Variants in ADAP1 observed in about 807,000 individuals in gnomAD.
The protein encoded by ADAP1 is arf-GAP with dual PH domain-containing protein 1.
Under a neutral mutation model 54.9 loss-of-function variants are expected in ADAP1, and 31 were observed. The ratio of observed to expected loss-of-function variants is 0.56; its 90% CI spans 0.42 to 0.76. ADAP1 has a LOEUF of 0.76. ADAP1 is among the 30% of genes least tolerant of loss of function. ADAP1 has a pLI of 0.00. For missense variants in ADAP1, 535 were observed against 512.4 expected, an observed-to-expected ratio of 1.04 and a Z score of -0.42; for synonymous variants, 313 against 202.6, an observed-to-expected ratio of 1.55 and a Z score of -4.63.
chr7:899,390 C>T (rs1562904491), intron 9 of ADAP1, 29 bp downstream of exon 9: 2 of 1,611,760 alleles, frequency 1.2e-6, no homozygotes, highest in Non-Finnish European at 8.5e-7. Context: ...GAGCTGCCCT[C>T]CCGTGCTGGG....
intron 6 of ADAP1, 38 bp downstream of exon 6, chr7:904,088 C>CCT: frequency 1.2e-6 from 2 of 1,607,446 alleles, no homozygotes; most frequent in Non-Finnish European, 8.5e-7. Flanking sequence ...GGCCCACCCT[C>CCT]CTGTGCCACC....
intron 4 of ADAP1, among the ~76,000 whole-genome samples, chr7:911,667 CCCACGGAGGGCCA>C (rs1845729378): frequency 2.9e-3 from 1 of 350 alleles, no homozygotes; most frequent in Admixed American, 8.2e-3. Context: ...GGGCGGGGGT[CCCACGGAGGGCCA>C]GGAAGGGGGC....
At chr7:937,110 G>A (rs1331425947) in intron 1 of ADAP1, among the ~76,000 whole-genome samples, 1 of 107,988 alleles carries the variant, frequency 9.3e-6, no homozygotes, top group Non-Finnish European at 2.0e-5. Context: ...CCTCGGATTT[G>A]GGGGTCACGC....
At chr7:924,628 C>T (rs916382525) in intron 3 of ADAP1, among the ~76,000 whole-genome samples, 3 of 150,960 alleles carry the variant, frequency 2.0e-5, no homozygotes, top group African/African-American at 7.3e-5. Context: ...CCAGCATCCA[C>T]GGCTCATACA....
intron 1 of ADAP1, among the ~76,000 whole-genome samples, chr7:939,847 G>T (rs1226128830): frequency 6.8e-6 from 1 of 147,764 alleles, no homozygotes; most frequent in African/African-American, 2.5e-5. Context: ...AAAAAAAAAA[G>T]TTTGCCAATG....
intron 1 of ADAP1, among the ~76,000 whole-genome samples, chr7:944,994 A>G (rs1166931547): frequency 1.3e-5 from 2 of 152,148 alleles, no homozygotes; most frequent in Non-Finnish European, 2.9e-5. Context: ...GCACTGAAAT[A>G]GAAGGTGGCC....
chr7:904,921 G>A (rs550198083), intron 5 of ADAP1, 139 bp downstream of exon 5: 86 of 736,250 alleles, frequency 1.2e-4, no homozygotes, highest in Middle Eastern at 7.4e-4. Flanking sequence ...AACACAGGCC[G>A]GTTCTCCTGG....
upstream of ADAP1, among the ~76,000 whole-genome samples, chr7:954,954 C>T (rs1196504107): frequency 6.6e-6 from 1 of 152,130 alleles, no homozygotes; most frequent in Non-Finnish European, 1.5e-5. Context: ...TGCACACCTA[C>T]TGTGGGGGGC....
chr7:936,229 CAT>C (rs1034112195), intron 1 of ADAP1, among the ~76,000 whole-genome samples: 8 of 120,532 alleles, frequency 6.6e-5, no homozygotes, highest in Admixed American at 5.5e-4. Flanking sequence ...TTTTTTGAGA[CAT>C]AGTCTGTTGC....
intron 4 of ADAP1, among the ~76,000 whole-genome samples, chr7:905,894 A>AG (rs1426035269): frequency 5.3e-5 from 1 of 18,808 alleles, no homozygotes; most frequent in Non-Finnish European, 1.2e-4. Context: ...GAAAGGAGAA[A>AG]GGAGAAAGGA....
rs570312047 is a variant in ADAP1 at position 898,846 on chromosome 7, A to G, written c.*75T>C. 49 of 1,543,798 alleles carry G rather than the reference A, an allele frequency of 3.2e-5. No individual in the cohort carries two copies. The East Asian group carries it at 7.6e-4, about 24-fold the overall frequency. On this transcript the variant is annotated 3_prime_UTR_variant, in exon 11 of 11. Coordinates refer to ENST00000265846, the MANE Select transcript of ADAP1 (RefSeq NM_006869.4). ...TGGGGCCAGGTGGCCTCAGGACGCC[A>G]GAGCCCCCCCATCCACGGGTCCCCT...
chr7:919,346 G>A (rs1023713664), intron 4 of ADAP1, among the ~76,000 whole-genome samples: 2 of 152,146 alleles, frequency 1.3e-5, no homozygotes, highest in African/African-American at 2.4e-5. Flanking sequence ...CAGAGGAGGG[G>A]CCAGCCACGG....
chr7:911,822 G>A (rs556098845), intron 4 of ADAP1, among the ~76,000 whole-genome samples: 6 of 151,900 alleles, frequency 3.9e-5, no homozygotes, highest in African/African-American at 1.2e-4. Context: ...GGGGACCCAC[G>A]GAGGGCCAGG....
chr7:928,459 T>TA, intron 2 of ADAP1, among the ~76,000 whole-genome samples: 1 of 152,358 alleles, frequency 6.6e-6, no homozygotes, highest in Middle Eastern at 3.4e-3. Flanking sequence ...TAATTTGTTT[T>TA]AATGGAGGTG....
rs976076746 is a variant in ADAP1, at chr7:938,102, C to T, written c.83-2597G>A. 2.0e-5 allele frequency among the ~76,000 whole-genome samples: 3 copies of T among 152,156 alleles called. No homozygotes were observed. Among genetic ancestry groups the T allele is most frequent in the Non-Finnish European group, 2.9e-5 (2 of 68,030 alleles). On this transcript the variant is annotated intron_variant, in intron 1 of 10. Transcript: ENST00000265846. The surrounding 1 kb of genome is among the most constrained non-coding windows in gnomAD (Gnocchi z 4.4). ...GGAGTTTTGCCTGTGCTGAGTAGGG[C>T]GGCTTTTGGGAGAAAGAATGCGGTT...
At chr7:903,807 C>T (rs1050155863) in intron 6 of ADAP1, 26 of 283,818 alleles carry the variant, frequency 9.2e-5, no homozygotes, top group Admixed American at 6.4e-4. Flanking sequence ...TCCTCTAGCC[C>T]GAGCTGGCAG....
chr7:905,775 A>AGG (rs1845221484), intron 4 of ADAP1, among the ~76,000 whole-genome samples: 1 of 17,220 alleles, frequency 5.8e-5, no homozygotes, highest in African/African-American at 2.1e-4. Context: ...GAAAGGAGAA[A>AGG]GGAGAAAGGA....
chr7:930,843 G>T (rs1357132732), intron 2 of ADAP1, among the ~76,000 whole-genome samples: 3 of 151,832 alleles, frequency 2.0e-5, no homozygotes, highest in African/African-American at 7.3e-5. Flanking sequence ...CAGGCACGGT[G>T]GTGTATGCCT....
At chr7:921,612 C>G (rs185384864) in intron 3 of ADAP1, among the ~76,000 whole-genome samples, 5 of 152,352 alleles carry the variant, frequency 3.3e-5, no homozygotes, top group Admixed American at 3.3e-4. Context: ...TCGCGTCCGG[C>G]CCCTATTTCC....
Sources: allele counts gnomAD v4.1 joint callset (sites outside exome capture counted in the v4.1 genomes callset), GRCh38; gene constraint gnomAD v4.1.1; non-coding constraint Gnocchi (gnomAD v3.1); transcripts MANE v1.5; gene names NCBI Gene and HGNC (gene_info 2026-07-23, HGNC 2026-07-21).